The following SETD5 variants were observed in gnomAD, a reference collection of about 807,000 sequenced individuals.
SETD5 encodes the protein histone-lysine N-methyltransferase SETD5.
A neutral mutation model predicts 153.3 loss-of-function variants in SETD5; 44 were observed. That is an observed-to-expected ratio of 0.29 (90% CI 0.23 to 0.37). SETD5 has a LOEUF of 0.37. SETD5 is among the 10% of genes least tolerant of loss of function. The pLI is 1.00. For synonymous variants in SETD5, 716 were observed against 645.2 expected, an observed-to-expected ratio of 1.11 and a Z score of -1.66; for missense variants, 1,544 against 1,768.0, an observed-to-expected ratio of 0.87 and a Z score of 2.27.
chr3:9,450,626 A>C (rs2042512130), intron 16 of SETD5, among the ~76,000 whole-genome samples: 1 of 152,202 alleles, frequency 6.6e-6, no homozygotes, highest in African/African-American at 2.4e-5. Context: ...CTAATGCAGA[A>C]CCTAAGAACA....
intron 17 of SETD5, among the ~76,000 whole-genome samples, chr3:9,459,506 C>T (rs183471210): frequency 5.9e-5 from 9 of 152,042 alleles, no homozygotes; most frequent in Admixed American, 2.0e-4. Context: ...TGTGGTGGCT[C>T]ACGCCTGTAA....
At chr3:9,448,827 G>A (rs137855530) in intron 16 of SETD5, among the ~76,000 whole-genome samples, 197 bp downstream of exon 16, 2 of 152,304 alleles carry the variant, frequency 1.3e-5, no homozygotes, top group African/African-American at 4.8e-5. Context: ...TGGAATGAAT[G>A]TACTGCATTT....
intron 3 of SETD5, among the ~76,000 whole-genome samples, chr3:9,433,096 T>C (rs1216431798): frequency 6.6e-6 from 1 of 152,216 alleles, no homozygotes; most frequent in African/African-American, 2.4e-5. Context: ...AATATGTATT[T>C]AAAGCACCTA....
At position 9,408,898 on chromosome 3, in the gene SETD5, G is replaced by A. The variant is rs547350046; in HGVS notation, c.-177+10921G>A. On this transcript the variant is annotated intron_variant, in intron 1 of 22. Transcript: ENST00000402198. ...TTAATATTAAAATAACAGTAATAAA[G>A]CCTGCTAATACAAGTAATGTGATTT... Among the ~76,000 whole-genome samples, 6 of 152,110 alleles carry A rather than the reference G, an allele frequency of 3.9e-5. No homozygotes were observed. In the East Asian group the frequency reaches 1.2e-3, roughly 29 times the overall value.
In SETD5 at chr3:9,476,370, T is replaced by G. The variant is rs2125635251; in HGVS notation, c.*279T>G. 2.5e-6 allele frequency: 1 copy of G among 399,724 alleles called. No homozygotes were observed. Among genetic ancestry groups the G allele is most frequent in the African/African-American group, 2.0e-5 (1 of 50,096 alleles). 24.8% of individuals were successfully genotyped at this position (399,724 alleles called of 1,614,324 possible). A position where few individuals can be genotyped will look rare whatever the true frequency, so the allele number is the denominator to read the frequency against. ...ATGGTGTTTCGGTTAGTAACGGTTC[T>G]AAGTGCAATGAGTTGTGTTGAAGCC... On this transcript the variant is annotated 3_prime_UTR_variant, in exon 23 of 23. Coordinates refer to ENST00000402198, the MANE Select transcript of SETD5 (RefSeq NM_001080517.3).
chr3:9,400,117 T>C (rs189339909), intron 1 of SETD5, among the ~76,000 whole-genome samples: 58 of 152,372 alleles, frequency 3.8e-4, no homozygotes, highest in Non-Finnish European at 5.6e-4. Flanking sequence ...TGAGCTGGTT[T>C]GCTTTTTATT....
At chr3:9,398,572 G>A (rs2034151915) in intron 1 of SETD5, 1 of 152,318 alleles carries the variant, frequency 6.6e-6, no homozygotes, top group Non-Finnish European at 1.5e-5. Flanking sequence ...GTGTGCCACA[G>A]CGTGTCTGAG....
chr3:9,442,280 A>T, intron 10 of SETD5, 35 bp downstream of exon 10: 1 of 1,407,706 alleles, frequency 7.1e-7, no homozygotes. Context: ...TTTGACTGGA[A>T]CCATCAAATG....
intron 3 of SETD5, among the ~76,000 whole-genome samples, chr3:9,432,781 C>T (rs1426139865): frequency 1.3e-5 from 2 of 152,140 alleles, no homozygotes; most frequent in Non-Finnish European, 2.9e-5. Flanking sequence ...TATAATTCTA[C>T]AATAATACAT....
chr3:9,436,198 G>C (rs2040548176), intron 7 of SETD5, among the ~76,000 whole-genome samples: 1 of 152,066 alleles, frequency 6.6e-6, no homozygotes, highest in African/African-American at 2.4e-5. Flanking sequence ...CTCAAGTCTA[G>C]GCTTCCACTA....
At chr3:9,453,138 G>T (rs530987863) in intron 16 of SETD5, among the ~76,000 whole-genome samples, 35 of 151,654 alleles carry the variant, frequency 2.3e-4, no homozygotes, top group Admixed American at 2.3e-3. Flanking sequence ...AGCTCATTTC[G>T]TGATTTGCAT....
At chr3:9,429,848 C>T in intron 3 of SETD5, 4 of 1,303,736 alleles carry the variant, frequency 3.1e-6, no homozygotes, top group Non-Finnish European at 3.0e-6. Context: ...AAGCCCCCTA[C>T]CTTTCAAGAC....
chr3:9,475,910 C>T lies in SETD5; in HGVS notation c.4148C>T (p.Pro1383Leu). 6.2e-7 allele frequency: 1 copy of T among 1,614,014 alleles called. No homozygotes were observed. Among genetic ancestry groups the T allele is most frequent in the South Asian group, 1.1e-5 (1 of 91,078 alleles). ...CCTCAGAACTCTAGGTCGTCATTGC[C>T]ATCAGACTTACGGACTATCAGTCTG... ...SFPQNSRSSLPSDLRTISLPS... is the reference protein window; with the variant it reads ...SFPQNSRSSLLSDLRTISLPS... The change falls in exon 23 of 23, where the codon CCA becomes CTA. Residue 1383 changes from proline to leucine, a missense_variant. Transcript: ENST00000402198.
intron 1 of SETD5, among the ~76,000 whole-genome samples, chr3:9,421,894 G>T (rs1433729462): frequency 6.6e-6 from 1 of 151,954 alleles, no homozygotes; most frequent in Non-Finnish European, 1.5e-5. Flanking sequence ...ATTTATTTCA[G>T]GATATATCTT....
At chr3:9,442,291 A>G in intron 10 of SETD5, 46 bp downstream of exon 10, 1 of 1,316,598 alleles carries the variant, frequency 7.6e-7, no homozygotes, top group Non-Finnish European at 1.1e-6. Context: ...CCATCAAATG[A>G]CAAGCTTACT....
intron 1 of SETD5, among the ~76,000 whole-genome samples, chr3:9,411,258 T>C (rs928101053): frequency 6.6e-6 from 1 of 152,168 alleles, no homozygotes; most frequent in African/African-American, 2.4e-5. Flanking sequence ...ATTTCTTGAA[T>C]GGTTTGCCCT....
rs924082528 is a variant in SETD5 at position 9,473,372 on chromosome 3, G to A, written c.3332G>A (p.Gly1111Asp). The A allele has an allele frequency of 1.2e-6, 2 of 1,613,932 alleles. No homozygotes were observed. Among genetic ancestry groups the A allele is most frequent in the Non-Finnish European group, 1.7e-6 (2 of 1,179,892 alleles). The change falls in exon 20 of 23, where the codon GGT becomes GAT. Residue 1111 changes from glycine (G) to aspartate (D), a missense_variant. Physicochemically the swap from Gly to Asp is moderately conservative, Grantham distance 94. This residue lies in a region of SETD5 where 93 missense variants were observed against 93.4 expected (regional missense o/e 1.00). Coordinates refer to ENST00000402198, the MANE Select transcript of SETD5 (RefSeq NM_001080517.3). ...AGCAGTAACTCCGTTTCCGACACTG[G>A]TGCCCATGGTGTGCAGGGATCCTCA... ...QGSSNSVSDTGAHGVQGSSAR... is the reference protein window; with the variant it reads ...QGSSNSVSDTDAHGVQGSSAR...
At chr3:9,428,411 A>C (rs2039573710) in intron 2 of SETD5, among the ~76,000 whole-genome samples, 1 of 152,228 alleles carries the variant, frequency 6.6e-6, no homozygotes, top group African/African-American at 2.4e-5. Context: ...CCTAGGAAAA[A>C]AACTTAAATG....
At chr3:9,445,966 T>C (rs58773270) in intron 13 of SETD5, among the ~76,000 whole-genome samples, 1 of 95,054 alleles carries the variant, frequency 1.1e-5, no homozygotes, top group Non-Finnish European at 2.4e-5. Flanking sequence ...GAAGAGGTTG[T>C]TTTTTTTTTT....
Sources: gnomAD v4.1 joint callset for allele counts (sites outside exome capture counted in the v4.1 genomes callset) on GRCh38, gnomAD v4.1.1 for gene constraint, gnomAD v4.1.1 regional missense constraint, MANE v1.5 for transcripts, NCBI Gene and HGNC (gene_info 2026-07-23, HGNC 2026-07-21) for gene names.